LDLRAD4: variants seen among roughly 807,000 people sequenced by gnomAD.
LDLRAD4 encodes the protein low density lipoprotein receptor class A domain containing 4.
Under a neutral mutation model 17.0 loss-of-function variants are expected in LDLRAD4, and 5 were observed. That is an observed-to-expected ratio of 0.29 (90% CI 0.15 to 0.62). The LOEUF is 0.62. Ranked by LOEUF, LDLRAD4 falls within the 20% of genes least tolerant of loss-of-function variation. LDLRAD4 has a pLI of 0.84. For missense variants in LDLRAD4, 340 were observed against 424.7 expected (o/e 0.80, Z 1.75); for synonymous variants, 168 against 171.8 (o/e 0.98, Z 0.17).
chr18:13,332,250 A>G (rs1349463351), intron 1 of LDLRAD4, among the ~76,000 whole-genome samples: 1 of 152,218 alleles, frequency 6.6e-6, no homozygotes, highest in Non-Finnish European at 1.5e-5. Context: ...ATTTTTTAAA[A>G]GTATTTTTTA....
intron 3 of LDLRAD4, chr18:13,585,569 T>A (rs927670905): frequency 3.9e-5 from 6 of 152,192 alleles, no homozygotes; most frequent in Non-Finnish European, 8.8e-5. Context: ...CATACAGACT[T>A]CCTCTTCCAG....
intron 1 of LDLRAD4, among the ~76,000 whole-genome samples, chr18:13,257,111 A>G (rs1277447100): frequency 6.6e-6 from 1 of 152,242 alleles, no homozygotes; most frequent in Non-Finnish European, 1.5e-5. Context: ...CGTTTCTGCC[A>G]TGGAGTCATG....
At position 13,590,873 on chromosome 18, in the gene LDLRAD4, CT is replaced by C. The variant is rs548250357; in HGVS notation, c.182-30243del. On this transcript the variant is annotated intron_variant, in intron 3 of 5. Coordinates refer to ENST00000359446, the Ensembl canonical transcript of LDLRAD4. Reference sequence around the variant, plus strand: ...AATTTATTATTTCTAATTCAGAGGTCTCATTATCATCAGATGGAATGGAGGA... The same window carrying C: ...AATTTATTATTTCTAATTCAGAGGTCCATTATCATCAGATGGAATGGAGGA... Among the ~76,000 whole-genome samples the C allele has an allele frequency of 9.7e-4, 147 of 152,298 alleles. 2 individuals carry two copies. The highest frequency in any genetic ancestry group is 8.2e-3 in the Admixed American group (125 of 15,306).
At chr18:13,513,929 G>C (rs1481130750) in intron 3 of LDLRAD4, among the ~76,000 whole-genome samples, 1 of 152,206 alleles carries the variant, frequency 6.6e-6, no homozygotes, top group Admixed American at 6.5e-5. Flanking sequence ...AAGTAATATA[G>C]GCTTTTTCAG....
At chr18:13,314,529 G>C (rs982683624) in intron 1 of LDLRAD4, among the ~76,000 whole-genome samples, 1 of 152,194 alleles carries the variant, frequency 6.6e-6, no homozygotes, top group Non-Finnish European at 1.5e-5. Flanking sequence ...AAAGAAAGGT[G>C]GCCAACACTG....
intron 4 of LDLRAD4, 123 bp from the exon 6 acceptor site, chr18:13,643,236 G>T: frequency 1.7e-6 from 1 of 601,738 alleles, no homozygotes; most frequent in Admixed American, 3.6e-5. Context: ...GCCCGGCCTC[G>T]CTCCACGTTT....
At chr18:13,370,701 G>GTTTTTTGTTTTGTTTT (rs2084401887) in intron 1 of LDLRAD4, among the ~76,000 whole-genome samples, 2 of 94,670 alleles carry the variant, frequency 2.1e-5, no homozygotes, top group South Asian at 4.5e-4. Context: ...CTCTTTCATG[G>GTTTTTTGTTTTGTTTT]TTTTTTGTTT....
intron 3 of LDLRAD4, among the ~76,000 whole-genome samples, chr18:13,546,799 G>A (rs992613199): frequency 5.3e-5 from 8 of 152,156 alleles, no homozygotes; most frequent in South Asian, 2.1e-4. Flanking sequence ...GGATTCTGTC[G>A]CTGACATCAG....
intron 4 of LDLRAD4, among the ~76,000 whole-genome samples, chr18:13,641,082 A>G (rs1411019750): frequency 1.3e-5 from 2 of 152,148 alleles, no homozygotes. Context: ...ATATAGAGGA[A>G]AAGATGAGAC....
chr18:13,581,097 T>C (rs1333366636), intron 3 of LDLRAD4, among the ~76,000 whole-genome samples: 1 of 152,202 alleles, frequency 6.6e-6, no homozygotes, highest in Non-Finnish European at 1.5e-5. Flanking sequence ...AACACAAAAT[T>C]TATTTATGTT....
intron 1 of LDLRAD4, among the ~76,000 whole-genome samples, chr18:13,329,123 A>C (rs572051155): frequency 1.3e-5 from 2 of 152,314 alleles, no homozygotes; most frequent in African/African-American, 4.8e-5. Context: ...ATTATATATT[A>C]TGTACACATA....
At chr18:13,441,874 G>A (rs987311597) in intron 3 of LDLRAD4, among the ~76,000 whole-genome samples, 3 of 152,138 alleles carry the variant, frequency 2.0e-5, no homozygotes, top group Non-Finnish European at 2.9e-5. Context: ...TGGTTGGACC[G>A]AGGCTGCTTT....
chr18:13,356,093 C>G (rs547929916), intron 1 of LDLRAD4, among the ~76,000 whole-genome samples: 1 of 152,362 alleles, frequency 6.6e-6, no homozygotes, highest in East Asian at 1.9e-4. Flanking sequence ...GGTCGTGCTT[C>G]AGCACAATCC....
At chr18:13,606,235 T>C (rs2095223225) in intron 3 of LDLRAD4, among the ~76,000 whole-genome samples, 1 of 152,178 alleles carries the variant, frequency 6.6e-6, no homozygotes, top group South Asian at 2.1e-4. Flanking sequence ...GTAGCTGCAA[T>C]TTCAGGCACA....
intron 1 of LDLRAD4, among the ~76,000 whole-genome samples, chr18:13,349,323 T>C (rs1358702229): frequency 2.0e-5 from 3 of 152,254 alleles, no homozygotes; most frequent in African/African-American, 7.2e-5. Context: ...ATAGATTATG[T>C]CTTTGTATAT....
At chr18:13,394,719 A>G (rs1202098096) in intron 2 of LDLRAD4, among the ~76,000 whole-genome samples, 1 of 152,240 alleles carries the variant, frequency 6.6e-6, no homozygotes, top group Non-Finnish European at 1.5e-5. Context: ...GTCAGTAAGT[A>G]TGAGCATTGT....
At chr18:13,288,291 T>A (rs566153675) in intron 1 of LDLRAD4, among the ~76,000 whole-genome samples, 5 of 152,344 alleles carry the variant, frequency 3.3e-5, no homozygotes, top group Admixed American at 3.3e-4. Context: ...TTTAGCCACC[T>A]TCCATTAGCT....
chr18:13,583,113 T>A (rs2094886136), intron 3 of LDLRAD4, among the ~76,000 whole-genome samples: 1 of 152,212 alleles, frequency 6.6e-6, no homozygotes, highest in African/African-American at 2.4e-5. Context: ...ACCATAAGAC[T>A]GTGAATTATA....
At chr18:13,291,318 A>G (rs555679224) in intron 1 of LDLRAD4, among the ~76,000 whole-genome samples, 2 of 152,368 alleles carry the variant, frequency 1.3e-5, no homozygotes, top group East Asian at 3.9e-4. Context: ...AGGCAAAAGC[A>G]ATTGTTAGTT....
Sources: gnomAD v4.1 joint callset for allele counts (sites outside exome capture counted in the v4.1 genomes callset) on GRCh38, gnomAD v4.1.1 for gene constraint, MANE v1.5 for transcripts, NCBI Gene and HGNC (gene_info 2026-07-23, HGNC 2026-07-21) for gene names.